The following NAALADL2 variants were observed in gnomAD, a reference collection of about 807,000 sequenced individuals.
The protein encoded by NAALADL2 is inactive N-acetylated-alpha-linked acidic dipeptidase-like protein 2.
Under a neutral mutation model 87.2 loss-of-function variants are expected in NAALADL2, and 76 were observed. That is an observed-to-expected ratio of 0.87 (90% CI 0.72 to 1.05). The LOEUF (loss-of-function observed/expected upper bound fraction) is 1.05, where lower values mean the gene tolerates loss of function less well. Ranked by LOEUF, NAALADL2 falls within the 50% of genes least tolerant of loss-of-function variation. NAALADL2 has a pLI of 0.00. For synonymous variants in NAALADL2, 354 were observed against 331.0 expected (o/e 1.07, Z -0.75); for missense variants, 1,089 against 945.8 (o/e 1.15, Z -1.99).
At chr3:174,683,783 A>G (rs1727782648) in intron 2 of NAALADL2, among the ~76,000 whole-genome samples, 1 of 151,970 alleles carries the variant, frequency 6.6e-6, no homozygotes, top group Non-Finnish European at 1.5e-5. Flanking sequence ...ATTCAACTTG[A>G]TAATTTTTCA....
chr3:175,393,143 G>A (rs1185698647), intron 5 of NAALADL2, among the ~76,000 whole-genome samples: 3 of 150,688 alleles, frequency 2.0e-5, no homozygotes, highest in Non-Finnish European at 4.4e-5. Flanking sequence ...GCGCGGTGGC[G>A]GGCGCCTGTA....
At chr3:174,926,353 G>C (rs945863196) in intron 1 of NAALADL2, among the ~76,000 whole-genome samples, 2 of 152,002 alleles carry the variant, frequency 1.3e-5, no homozygotes, top group African/African-American at 4.8e-5. Flanking sequence ...GAAATACAGA[G>C]AACGCCACAA....
At chr3:175,592,497 T>C (rs112847942) in intron 10 of NAALADL2, among the ~76,000 whole-genome samples, 6,619 of 152,072 alleles carry the variant, frequency 0.044, 489 homozygotes, top group African/African-American at 0.15. Context: ...CATGTCATCC[T>C]ATAAAGTACT....
chr3:174,973,823 A>G (rs1244649298), intron 1 of NAALADL2, among the ~76,000 whole-genome samples: 1 of 152,210 alleles, frequency 6.6e-6, no homozygotes, highest in Non-Finnish European at 1.5e-5. Context: ...TACAGTAAAA[A>G]TAGGATATTA....
intron 3 of NAALADL2, among the ~76,000 whole-genome samples, chr3:174,847,822 A>G (rs1467250828): frequency 6.6e-6 from 1 of 151,260 alleles, no homozygotes; most frequent in Non-Finnish European, 1.5e-5. Context: ...AAAAAAGCAC[A>G]TCCATCTATT....
chr3:175,012,957 A>G (rs578029326), intron 1 of NAALADL2, among the ~76,000 whole-genome samples: 2 of 129,788 alleles, frequency 1.5e-5, no homozygotes, highest in African/African-American at 7.7e-5. Flanking sequence ...AATATAGCCT[A>G]GATGTGTGTG....
At chr3:174,849,876 T>C (rs897466892) in intron 3 of NAALADL2, among the ~76,000 whole-genome samples, 21 of 152,076 alleles carry the variant, frequency 1.4e-4, no homozygotes, top group African/African-American at 4.6e-4. Context: ...TTGTTGTACC[T>C]ATTATTTTTG....
At position 175,616,503 on chromosome 3, in the gene NAALADL2, G is replaced by T. The variant is rs543287260; in HGVS notation, c.1801-10788G>T. 4.6e-5 allele frequency among the ~76,000 whole-genome samples: 7 copies of T among 152,184 alleles called. No homozygotes were observed. The East Asian group carries it at 1.4e-3, about 29-fold the overall frequency. ...TTCTAGAGTGAGGGAATAAGAGCCA[G>T]CTAGAAGAGATTGCATGCCATAGTA... On this transcript the variant is annotated intron_variant, in intron 10 of 13. Coordinates refer to ENST00000454872, the MANE Select transcript of NAALADL2 (RefSeq NM_207015.3).
intron 2 of NAALADL2, among the ~76,000 whole-genome samples, chr3:174,658,859 T>G (rs992838396): frequency 1.3e-5 from 2 of 152,204 alleles, no homozygotes; most frequent in Non-Finnish European, 2.9e-5. Context: ...GTTGATGAAA[T>G]ATACTGTTAA....
chr3:174,903,029 C>G (rs1313084485), intron 1 of NAALADL2, among the ~76,000 whole-genome samples: 1 of 152,072 alleles, frequency 6.6e-6, no homozygotes, highest in African/African-American at 2.4e-5. Flanking sequence ...CAGTTGTATT[C>G]TTAATATAAG....
chr3:175,785,037 G>A (rs1448070786), intron 13 of NAALADL2, among the ~76,000 whole-genome samples: 2 of 151,252 alleles, frequency 1.3e-5, no homozygotes, highest in African/African-American at 4.9e-5. Context: ...TTAATCCTGA[G>A]TTCTAGTTTG....
rs58935758 is a variant in NAALADL2 at position 175,295,718 on chromosome 3, AACACAC to A, written c.940-28434_940-28429del. Among the ~76,000 whole-genome samples, 1,355 of 143,768 alleles carry A rather than the reference AACACAC, an allele frequency of 9.4e-3. 11 individuals carry two copies. The highest frequency in any genetic ancestry group is 0.034 in the African/African-American group (1,282 of 37,792). 94.3% of individuals were successfully genotyped at this position (143,768 alleles called of 152,430 possible). A position where few individuals can be genotyped will look rare whatever the true frequency, so the allele number is the denominator to read the frequency against. Reference sequence around the variant, plus strand: ...AAATCTTTTGATACACATGCACACAAACACACACACACACACACACACACACACTCC... The same window carrying A: ...AAATCTTTTGATACACATGCACACAAACACACACACACACACACACACTCC... On this transcript the variant is annotated intron_variant, in intron 4 of 13. Coordinates refer to ENST00000454872, the MANE Select transcript of NAALADL2 (RefSeq NM_207015.3).
At chr3:174,664,067 G>A (rs1214035475) in intron 2 of NAALADL2, among the ~76,000 whole-genome samples, 1 of 152,104 alleles carries the variant, frequency 6.6e-6, no homozygotes, top group Non-Finnish European at 1.5e-5. Context: ...GGGATTACAG[G>A]CGTGAGCCAC....
chr3:174,969,856 C>G (rs1412401732), intron 1 of NAALADL2, among the ~76,000 whole-genome samples: 1 of 152,038 alleles, frequency 6.6e-6, no homozygotes, highest in Non-Finnish European at 1.5e-5. Context: ...TAAAGAAGAC[C>G]TAAACATAAA....
intron 2 of NAALADL2, chr3:174,550,914 A>G (rs1019522303): frequency 6.6e-6 from 1 of 152,070 alleles, no homozygotes; most frequent in Non-Finnish European, 1.5e-5. Flanking sequence ...CTATATTTTT[A>G]TCTATTAACT....
At chr3:175,174,950 A>G (rs902600794) in intron 2 of NAALADL2, among the ~76,000 whole-genome samples, 8 of 152,114 alleles carry the variant, frequency 5.3e-5, no homozygotes, top group African/African-American at 1.4e-4. Context: ...TATTAGGAAC[A>G]TATAGAGTTA....
At chr3:175,212,992 G>A (rs1168593336) in intron 2 of NAALADL2, among the ~76,000 whole-genome samples, 1 of 152,122 alleles carries the variant, frequency 6.6e-6, no homozygotes, top group Non-Finnish European at 1.5e-5. Context: ...GCAGCCTCAG[G>A]TGATACACAG....
chr3:175,719,280 A>G (rs774570867), intron 11 of NAALADL2, among the ~76,000 whole-genome samples: 5 of 152,044 alleles, frequency 3.3e-5, no homozygotes, highest in Non-Finnish European at 7.4e-5. Context: ...ATCTCTATCT[A>G]CTACTGGTCC....
chr3:174,664,106 G>A (rs1725752356), intron 2 of NAALADL2, among the ~76,000 whole-genome samples: 1 of 151,948 alleles, frequency 6.6e-6, no homozygotes, highest in Non-Finnish European at 1.5e-5. Context: ...TGTATTTCTT[G>A]GCCAACTGCA....
Sources: allele counts gnomAD v4.1 joint callset (sites outside exome capture counted in the v4.1 genomes callset), GRCh38; gene constraint gnomAD v4.1.1; transcripts MANE v1.5; gene names NCBI Gene and HGNC (gene_info 2026-07-23, HGNC 2026-07-21).